CTNNA3: variants seen among roughly 807,000 people sequenced by gnomAD.
CTNNA3 encodes catenin alpha-3.
Under a neutral mutation model 95.7 loss-of-function variants are expected in CTNNA3, and 76 were observed. That is an observed-to-expected ratio of 0.79 (90% CI 0.66 to 0.96). The LOEUF is 0.96. CTNNA3 is among the 40% of genes least tolerant of loss of function. CTNNA3 has a pLI of 0.00. For synonymous variants in CTNNA3, 431 were observed against 374.4 expected (o/e 1.15, Z -1.74); for missense variants, 1,191 against 1,089.8 (o/e 1.09, Z -1.31).
intron 13 of CTNNA3, among the ~76,000 whole-genome samples, chr10:66,233,192 T>A (rs1019419283): frequency 1.5e-5 from 2 of 133,984 alleles, no homozygotes; most frequent in Non-Finnish European, 3.2e-5. Context: ...AAAAAAAAAA[T>A]TTCAGGTGTA....
At chr10:67,390,796 G>C (rs1194314299) in intron 5 of CTNNA3, among the ~76,000 whole-genome samples, 2 of 149,018 alleles carry the variant, frequency 1.3e-5, no homozygotes, top group African/African-American at 5.0e-5. Flanking sequence ...CAGAACCAAA[G>C]ACAAAAACCA....
chr10:67,632,981 GT>G (rs1839194277), intron 2 of CTNNA3, among the ~76,000 whole-genome samples: 1 of 152,212 alleles, frequency 6.6e-6, no homozygotes, highest in Non-Finnish European at 1.5e-5. Context: ...ATGAGACCAA[GT>G]TCCTTGCGGG....
rs543057291 is a variant in CTNNA3 at position 65,985,980 on chromosome 10, G to T, written c.2265+2712C>A. Among the ~76,000 whole-genome samples the T allele has an allele frequency of 2.6e-5, 4 of 151,166 alleles. No individual in the cohort carries two copies. In the South Asian group the frequency reaches 8.3e-4, roughly 31 times the overall value. ...TGCCCTGTTTTGCTATCAAATACTAGATCTTATTTATTCTATCTAACTATA... is the reference window on the plus strand; with the variant it reads ...TGCCCTGTTTTGCTATCAAATACTATATCTTATTTATTCTATCTAACTATA... On this transcript the variant is annotated intron_variant, in intron 16 of 17. Transcript: ENST00000433211.
chr10:67,254,377 GT>G (rs1448727526), intron 5 of CTNNA3, among the ~76,000 whole-genome samples: 3 of 152,146 alleles, frequency 2.0e-5, no homozygotes, highest in East Asian at 3.8e-4. Flanking sequence ...AGATGGTAAG[GT>G]TCAAGGTATT....
intron 7 of CTNNA3, among the ~76,000 whole-genome samples, chr10:67,021,857 G>A (rs182861174): frequency 2.6e-5 from 4 of 152,282 alleles, no homozygotes; most frequent in Admixed American, 6.5e-5. Flanking sequence ...AAATAAACAG[G>A]AGTGAAGTAC....
chr10:66,905,149 A>T (rs564878300), intron 7 of CTNNA3, among the ~76,000 whole-genome samples: 163 of 152,340 alleles, frequency 1.1e-3, no homozygotes, highest in Admixed American at 3.4e-3. Flanking sequence ...AGATTGGATT[A>T]AGAAAACGTG....
intron 5 of CTNNA3, among the ~76,000 whole-genome samples, chr10:67,380,968 A>C (rs1254359551): frequency 6.6e-6 from 1 of 152,198 alleles, no homozygotes; most frequent in Non-Finnish European, 1.5e-5. Flanking sequence ...GGCTTCAGGT[A>C]CCATATAACA....
chr10:65,955,874 C>T (rs1293685105), intron 17 of CTNNA3, among the ~76,000 whole-genome samples: 1 of 152,064 alleles, frequency 6.6e-6, no homozygotes, highest in Non-Finnish European at 1.5e-5. Context: ...CTCTGCCAGG[C>T]TTTGGTATCA....
intron 7 of CTNNA3, among the ~76,000 whole-genome samples, chr10:66,946,497 C>T (rs1032635825): frequency 1.3e-5 from 2 of 152,076 alleles, no homozygotes; most frequent in African/African-American, 4.8e-5. Context: ...GATCAAGAAA[C>T]AGAACACATC....
At chr10:66,748,947 C>T (rs956993495) in intron 9 of CTNNA3, among the ~76,000 whole-genome samples, 5 of 151,060 alleles carry the variant, frequency 3.3e-5, no homozygotes, top group Admixed American at 6.6e-5. Flanking sequence ...CCAAGGCGGG[C>T]GGATCACCTG....
At chr10:67,309,803 A>G (rs1484135772) in intron 5 of CTNNA3, among the ~76,000 whole-genome samples, 2 of 152,134 alleles carry the variant, frequency 1.3e-5, no homozygotes, top group Admixed American at 6.5e-5. Context: ...ACCCTTATTA[A>G]TCATACCATT....
intron 10 of CTNNA3, among the ~76,000 whole-genome samples, chr10:66,552,149 C>A (rs995259949): frequency 6.6e-6 from 1 of 152,012 alleles, no homozygotes; most frequent in Non-Finnish European, 1.5e-5. Context: ...TTGATCCACC[C>A]GCCTTGGCCT....
intron 13 of CTNNA3, among the ~76,000 whole-genome samples, chr10:66,205,513 CTAACT>C (rs2087703032): frequency 6.6e-6 from 1 of 151,830 alleles, no homozygotes. Context: ...TTCTCAACTC[CTAACT>C]TAAGAATGGA....
At chr10:67,247,109 C>T (rs1865936586) in intron 5 of CTNNA3, among the ~76,000 whole-genome samples, 1 of 152,086 alleles carries the variant, frequency 6.6e-6, no homozygotes, top group Admixed American at 6.6e-5. Flanking sequence ...AAGGATGTCC[C>T]CTTTCACTAG....
chr10:67,651,519 A>G (rs999848824), intron 1 of CTNNA3, among the ~76,000 whole-genome samples: 1 of 152,172 alleles, frequency 6.6e-6, no homozygotes, highest in Non-Finnish European at 1.5e-5. Context: ...ATTCCCTATT[A>G]AGTCATTAAA....
chr10:66,623,834 T>C (rs1844836872), intron 9 of CTNNA3, among the ~76,000 whole-genome samples: 1 of 152,136 alleles, frequency 6.6e-6, no homozygotes, highest in South Asian at 2.1e-4. Flanking sequence ...TATCTTTACA[T>C]TTCAAATTTG....
chr10:66,657,781 A>G (rs1362678978), intron 9 of CTNNA3, among the ~76,000 whole-genome samples: 3 of 152,174 alleles, frequency 2.0e-5, no homozygotes, highest in Non-Finnish European at 4.4e-5. Context: ...CAATTTTCTT[A>G]CCTGAAAATC....
intron 5 of CTNNA3, among the ~76,000 whole-genome samples, chr10:67,239,253 A>G (rs1047739180): frequency 2.0e-5 from 3 of 151,922 alleles, no homozygotes; most frequent in Non-Finnish European, 4.4e-5. Context: ...ATATGTTCCT[A>G]TGTCCATCTA....
chr10:67,401,384 A>G (rs1421464808), intron 5 of CTNNA3, among the ~76,000 whole-genome samples: 3 of 152,228 alleles, frequency 2.0e-5, no homozygotes, highest in Non-Finnish European at 4.4e-5. Context: ...ATACACCAAC[A>G]TAATTTGAAC....
Sources: gnomAD v4.1 joint callset for allele counts (sites outside exome capture counted in the v4.1 genomes callset) on GRCh38, gnomAD v4.1.1 for gene constraint, MANE v1.5 for transcripts, NCBI Gene and HGNC (gene_info 2026-07-23, HGNC 2026-07-21) for gene names.